CNOT4: variants seen among roughly 807,000 people sequenced by gnomAD.
The protein encoded by CNOT4 is CCR4-NOT transcription complex subunit 4.
In CNOT4, 8 loss-of-function variants were observed where a neutral mutation model predicts 73.8. The ratio of observed to expected loss-of-function variants is 0.11; its 90% CI spans 0.06 to 0.20. CNOT4 has a LOEUF of 0.20. Among genes scored for constraint, CNOT4 ranks in the 10% least tolerant of loss-of-function variants. The pLI is 1.00. For missense variants in CNOT4, 564 were observed against 883.4 expected (o/e 0.64, Z 4.58); for synonymous variants, 293 against 321.1 (o/e 0.91, Z 0.94).
rs756736493 is a variant in CNOT4, at chr7:135,364,098, TA to T, written c.1628-33del. The T allele has an allele frequency of 4.1e-4, 574 of 1,405,834 alleles. No homozygotes were observed. The highest frequency in any genetic ancestry group is 4.3e-4 in the Non-Finnish European group (448 of 1,029,950). 87.1% of individuals were successfully genotyped at this position (1,405,834 alleles called of 1,614,324 possible). On this transcript the variant is annotated intron_variant, in intron 10 of 11. Coordinates refer to ENST00000541284, the MANE Select transcript of CNOT4 (RefSeq NM_001190850.2). The surrounding 1 kb of genome is among the most constrained non-coding windows in gnomAD (Gnocchi z 4.3). ...GATTTACCAACAAAAAAATGAAAGATAAAAAAAAATAAAAAGCTACGTTAGA... is the reference window on the plus strand; with the variant it reads ...GATTTACCAACAAAAAAATGAAAGATAAAAAAAATAAAAAGCTACGTTAGA...
chr7:135,413,386 T>G, intron 6 of CNOT4, 102 bp downstream of exon 6: 1 of 1,379,754 alleles, frequency 7.2e-7, no homozygotes, highest in Non-Finnish European at 1.0e-6. Flanking sequence ...AATATCAGTT[T>G]TTACAAAATC....
intron 1 of CNOT4, among the ~76,000 whole-genome samples, chr7:135,504,319 A>G (rs1035215205): frequency 3.3e-5 from 5 of 149,908 alleles, no homozygotes; most frequent in African/African-American, 1.2e-4. Context: ...TTTTGGAGAC[A>G]AAGTCTCACT....
At chr7:135,440,945 A>G (rs1799442998) in intron 1 of CNOT4, among the ~76,000 whole-genome samples, 1 of 152,126 alleles carries the variant, frequency 6.6e-6, no homozygotes, top group South Asian at 2.1e-4. Context: ...AACTGCAAAC[A>G]GTATACTGTC....
intron 2 of CNOT4, among the ~76,000 whole-genome samples, chr7:135,430,642 C>T (rs1053256331): frequency 6.6e-6 from 1 of 151,532 alleles, no homozygotes; most frequent in African/African-American, 2.4e-5. Flanking sequence ...AAGACCCTAT[C>T]GCTTTAAAAA....
intron 2 of CNOT4, among the ~76,000 whole-genome samples, chr7:135,431,707 C>T (rs1324454984): frequency 1.3e-5 from 2 of 151,762 alleles, no homozygotes; most frequent in African/African-American, 4.8e-5. Context: ...CACACCACTG[C>T]ACTCCAGCCT....
chr7:135,365,243 T>G (rs1016964817), intron 10 of CNOT4, among the ~76,000 whole-genome samples: 13 of 152,166 alleles, frequency 8.5e-5, no homozygotes, highest in East Asian at 3.8e-4. Flanking sequence ...GATAAAATAC[T>G]ACAACTAAAC....
rs565013956 is a variant in CNOT4, at chr7:135,384,794, C to T, written c.1627+9124G>A. 4 of 749,226 alleles carry T rather than the reference C, an allele frequency of 5.3e-6. No individual in the cohort carries two copies. In the African/African-American group the frequency reaches 6.8e-5, roughly 13 times the overall value. The allele number at this position is 749,226 out of a possible 1,614,324, so 46.4% of individuals were successfully genotyped here. A position where few individuals can be genotyped will look rare whatever the true frequency, so the allele number is the denominator to read the frequency against. On this transcript the variant is annotated intron_variant, in intron 10 of 11. Coordinates refer to ENST00000541284, the MANE Select transcript of CNOT4 (RefSeq NM_001190850.2). ...AGCAATGCCTTCTAAGATCTACCAC[C>T]CATCTAGTTAGCATCTTGTTTGTCT...
At chr7:135,370,757 G>C (rs1429003138) in intron 10 of CNOT4, among the ~76,000 whole-genome samples, 1 of 152,188 alleles carries the variant, frequency 6.6e-6, no homozygotes, top group Non-Finnish European at 1.5e-5. Context: ...ATAATGCTGT[G>C]AACAGATGGT....
At position 135,449,256 on chromosome 7, in the gene CNOT4, G is replaced by C. The variant is rs572345198; in HGVS notation, c.-92-10833C>G. Reference sequence around the variant, plus strand: ...AGGGAGACGACTTCAAATGGCAAGGGGTGTATGGGGCAGGGGGATTCTGAG... The same window carrying C: ...AGGGAGACGACTTCAAATGGCAAGGCGTGTATGGGGCAGGGGGATTCTGAG... On this transcript the variant is annotated intron_variant, in intron 1 of 11. Coordinates refer to ENST00000541284, the MANE Select transcript of CNOT4 (RefSeq NM_001190850.2). Among the ~76,000 whole-genome samples the C allele has an allele frequency of 2.0e-4, 30 of 152,278 alleles. No homozygotes were observed. In the South Asian group the frequency reaches 6.2e-3, roughly 32 times the overall value.
chr7:135,443,454 G>A (rs1799616584), intron 1 of CNOT4, among the ~76,000 whole-genome samples: 1 of 152,028 alleles, frequency 6.6e-6, no homozygotes, highest in Non-Finnish European at 1.5e-5. Context: ...TGAAGCTAGA[G>A]TGTTAAAGAT....
chr7:135,386,478 G>C (rs1169106133), intron 10 of CNOT4: 5 of 152,044 alleles, frequency 3.3e-5, no homozygotes, highest in Admixed American at 3.3e-4. Context: ...ATTTCAATTT[G>C]CTTGCTATGT....
rs1794706245 is a variant in CNOT4 at position 135,362,769 on chromosome 7, C to T, written c.*116G>A. 1.0e-6 allele frequency: 1 copy of T among 967,904 alleles called. No homozygotes were observed. Among genetic ancestry groups the T allele is most frequent in the Admixed American group, 1.7e-5 (1 of 59,238 alleles). 60.0% of individuals were successfully genotyped at this position (967,904 alleles called of 1,614,324 possible). ...GGGGTTAGGGAGAAAAAAAATTGATCAGGTACTGGATTCTTCAGAACATAA... is the reference window on the plus strand; with the variant it reads ...GGGGTTAGGGAGAAAAAAAATTGATTAGGTACTGGATTCTTCAGAACATAA... On this transcript the variant is annotated 3_prime_UTR_variant, in exon 12 of 12. Transcript: ENST00000541284.
At chr7:135,374,105 G>T (rs1290690161) in intron 10 of CNOT4, among the ~76,000 whole-genome samples, 1 of 152,150 alleles carries the variant, frequency 6.6e-6, no homozygotes, top group Non-Finnish European at 1.5e-5. Flanking sequence ...AGGTTCCACT[G>T]ACAATTGTTT....
chr7:135,485,007 T>C (rs139841564), intron 1 of CNOT4, among the ~76,000 whole-genome samples: 70 of 152,288 alleles, frequency 4.6e-4, no homozygotes, highest in African/African-American at 1.3e-3. Context: ...ATAGTAAAGA[T>C]ATCAATACTC....
intron 1 of CNOT4, among the ~76,000 whole-genome samples, chr7:135,464,324 C>T (rs568093757): frequency 6.6e-6 from 1 of 152,188 alleles, no homozygotes; most frequent in Admixed American, 6.5e-5. Context: ...AAATGTGGTA[C>T]ATATACACCA....
chr7:135,488,246 T>C (rs889636067), intron 1 of CNOT4, among the ~76,000 whole-genome samples: 1 of 152,118 alleles, frequency 6.6e-6, no homozygotes, highest in Non-Finnish European at 1.5e-5. Context: ...ACTGCAACCT[T>C]CACCTCCCAG....
At chr7:135,472,514 A>ATAT (rs1451388719) in intron 1 of CNOT4, among the ~76,000 whole-genome samples, 1 of 19,844 alleles carries the variant, frequency 5.0e-5, no homozygotes, top group Non-Finnish European at 8.4e-5. Flanking sequence ...AAAAAAAAAA[A>ATAT]ATATATATAT....
chr7:135,444,795 G>T, intron 1 of CNOT4: 2 of 1,599,924 alleles, frequency 1.3e-6, no homozygotes, highest in South Asian at 1.1e-5. Flanking sequence ...TACTGACTAT[G>T]TTCATGGGGA....
rs565877133 is a variant in CNOT4, at chr7:135,463,540, C to A, written c.-92-25117G>T. Among the ~76,000 whole-genome samples, 251 of 129,562 alleles carry A rather than the reference C, an allele frequency of 1.9e-3. 1 individual carries two copies. The highest frequency in any genetic ancestry group is 3.9e-3 in the Middle Eastern group (1 of 258). 85.0% of individuals were successfully genotyped at this position (129,562 alleles called of 152,430 possible). A position where few individuals can be genotyped will look rare whatever the true frequency, so the allele number is the denominator to read the frequency against. On this transcript the variant is annotated intron_variant, in intron 1 of 11. Transcript: ENST00000541284. ...GGACGACAGTGAGACTTCATCCCCC[C>A]ACCCAAAAAAAAAAAAAAAAACCAA... is the stretch of plus-strand genomic sequence containing the variant.
Sources: gnomAD v4.1 joint callset for allele counts (sites outside exome capture counted in the v4.1 genomes callset) on GRCh38, gnomAD v4.1.1 for gene constraint, Gnocchi (gnomAD v3.1) non-coding constraint, MANE v1.5 for transcripts, NCBI Gene and HGNC (gene_info 2026-07-23, HGNC 2026-07-21) for gene names.